The following CARM1 variants were observed in gnomAD, a reference collection of about 807,000 sequenced individuals.
CARM1 encodes coactivator associated arginine methyltransferase 1, also known as histone-arginine methyltransferase CARM1.
In CARM1, 14 loss-of-function variants were observed where a neutral mutation model predicts 72.7. The observed-to-expected ratio is 0.19, with a 90% confidence interval of 0.13 to 0.30. The LOEUF (loss-of-function observed/expected upper bound fraction) is 0.30, where lower values mean the gene tolerates loss of function less well. Among genes scored for constraint, CARM1 ranks in the 10% least tolerant of loss-of-function variants. The pLI is 1.00. For missense variants in CARM1, 432 were observed against 833.7 expected (o/e 0.52, Z 5.93); for synonymous variants, 333 against 345.5 (o/e 0.96, Z 0.40).
rs1160816356 is a variant in CARM1 at position 10,912,723 on chromosome 19, C to A, written c.669+429C>A. ...TGGAGGCTGCACCCTCCATTCCCTG[C>A]TCTGCCTCTCCCATGGATCTGGGGT... On this transcript the variant is annotated intron_variant, in intron 5 of 15. Transcript: ENST00000327064. The surrounding 1 kb of genome is among the most constrained non-coding windows in gnomAD (Gnocchi z 4.5). 6.6e-6 allele frequency among the ~76,000 whole-genome samples: 1 copy of A among 152,138 alleles called. No individual in the cohort carries two copies. Among genetic ancestry groups the A allele is most frequent in the Non-Finnish European group, 1.5e-5 (1 of 68,028 alleles).
In CARM1 at chr19:10,916,509, C is replaced by T. The variant is rs770472411; in HGVS notation, c.938+12C>T. Reference sequence around the variant, plus strand: ...AAGGCCAACTTCTGGTGAGTGTGCCCTGGGTGTCCCGCCTGGGCCCCACAG... The same window carrying T: ...AAGGCCAACTTCTGGTGAGTGTGCCTTGGGTGTCCCGCCTGGGCCCCACAG... On this transcript the variant is annotated intron_variant, in intron 7 of 15. Coordinates refer to ENST00000327064, the MANE Select transcript of CARM1 (RefSeq NM_199141.2). This position sits in a 1 kb window ranked among gnomAD's most constrained non-coding sequence, Gnocchi z 4.4. 2 of 1,601,644 alleles carry T rather than the reference C, an allele frequency of 1.2e-6. No homozygotes were observed. Among genetic ancestry groups the T allele is most frequent in the African/African-American group, 1.3e-5 (1 of 74,672 alleles).
Position 10,905,091 on chromosome 19 carries a change from T to G in CARM1, c.346+15T>G. The G allele has an allele frequency of 1.2e-6, 2 of 1,611,784 alleles. No homozygotes were observed. Among genetic ancestry groups the G allele is most frequent in the Non-Finnish European group, 1.7e-6 (2 of 1,179,220 alleles). On this transcript the variant is annotated intron_variant, in intron 2 of 15. Coordinates refer to ENST00000327064, the MANE Select transcript of CARM1 (RefSeq NM_199141.2). ...CACACCCAACGGTACGTGGCCCTCCTTCCATTCCGGTGACACCAGCCCAAA... is the reference window on the plus strand; with the variant it reads ...CACACCCAACGGTACGTGGCCCTCCGTCCATTCCGGTGACACCAGCCCAAA...
chr19:10,912,094 C>T lies in CARM1; in HGVS notation c.559-90C>T, dbSNP rs1183335955. 2 of 929,452 alleles carry T rather than the reference C, an allele frequency of 2.2e-6. No homozygotes were observed. The highest frequency in any genetic ancestry group is 3.6e-6 in the Non-Finnish European group (2 of 556,212). 57.6% of individuals were successfully genotyped at this position (929,452 alleles called of 1,614,324 possible). On this transcript the variant is annotated intron_variant, in intron 4 of 15. Coordinates refer to ENST00000327064, the MANE Select transcript of CARM1 (RefSeq NM_199141.2). This position sits in a 1 kb window ranked among gnomAD's most constrained non-coding sequence, Gnocchi z 4.5. ...AAACATTGAGAGTGAAGACAGACGC[C>T]TCATGATGTGCACATCCCTTATGAT...
intron 5 of CARM1, among the ~76,000 whole-genome samples, chr19:10,913,057 C>CCCT (rs890971383): frequency 1.3e-5 from 2 of 151,992 alleles, no homozygotes; most frequent in African/African-American, 4.8e-5. Context: ...GGTGGGGGAC[C>CCCT]TAGGAGGCCG....
chr19:10,892,733 ATAT>A (rs1375852118), intron 1 of CARM1, among the ~76,000 whole-genome samples: 3 of 151,998 alleles, frequency 2.0e-5, no homozygotes, highest in Non-Finnish European at 2.9e-5. Context: ...TATTTTATTT[ATAT>A]TATTTTATTT....
At chr19:10,907,081 A>G (rs911826836) in intron 2 of CARM1, among the ~76,000 whole-genome samples, 4 of 149,820 alleles carry the variant, frequency 2.7e-5, no homozygotes, top group Non-Finnish European at 3.0e-5. Flanking sequence ...TAATTTCTGT[A>G]TTTTTAATAG....
chr19:10,908,453 G>T, intron 3 of CARM1: 1 of 309,364 alleles, frequency 3.2e-6, no homozygotes, highest in Non-Finnish European at 6.2e-6. Flanking sequence ...CTCCCTGCAT[G>T]CCAGGCCCTG....
chr19:10,900,462 C>T (rs1024696644), intron 1 of CARM1, among the ~76,000 whole-genome samples: 5 of 152,116 alleles, frequency 3.3e-5, no homozygotes, highest in Admixed American at 2.6e-4. Context: ...TGGCTTCTTT[C>T]GGCATGATGT....
chr19:10,919,400 A>G, intron 8 of CARM1, 195 bp from the exon 9 acceptor site: 1 of 572,492 alleles, frequency 1.7e-6, no homozygotes, highest in East Asian at 2.9e-5. Context: ...AACACTTGTC[A>G]TTTGGAGAGC....
Position 10,916,432 on chromosome 19 carries a change from C to T in CARM1, c.873C>T (p.Asp291=), listed in dbSNP as rs375369228. ...PSGNMFPTIG[D]VHLAPFTDEQ... ...GAAACATGTTTCCTACCATTGGTGA[C>T]GTCCACCTTGCACCCTTCACGGATG... is the stretch of plus-strand genomic sequence containing the variant. Residue 291 remains aspartate (D), a synonymous_variant, in exon 7 of 16, where the codon GAC becomes GAT. Coordinates refer to ENST00000327064, the MANE Select transcript of CARM1 (RefSeq NM_199141.2). This position sits in a 1 kb window ranked among gnomAD's most constrained non-coding sequence, Gnocchi z 4.4. The T allele has an allele frequency of 4.3e-6, 7 of 1,613,546 alleles. No homozygotes were observed. The African/African-American group carries it at 5.3e-5, about 12-fold the overall frequency.
rs538235184 is a variant in CARM1 at position 10,891,789 on chromosome 19, CCTT to C, written c.221-13159_221-13157del. 2.8e-3 allele frequency among the ~76,000 whole-genome samples: 434 copies of C among 152,382 alleles called. 1 individual carries two copies. Among genetic ancestry groups the C allele is most frequent in the Non-Finnish European group, 3.9e-3 (263 of 68,036 alleles). On this transcript the variant is annotated intron_variant, in intron 1 of 15. Transcript: ENST00000327064. ...GGTGTAACATGAAAAGTCAGTCTCTCCTTCTCTCCGCACTGCCCGTGACCTGTG... is the reference window on the plus strand; with the variant it reads ...GGTGTAACATGAAAAGTCAGTCTCTCCTCTCCGCACTGCCCGTGACCTGTG...
At chr19:10,888,053 C>T (rs572169280) in intron 1 of CARM1, among the ~76,000 whole-genome samples, 1 of 152,346 alleles carries the variant, frequency 6.6e-6, no homozygotes, top group African/African-American at 2.4e-5. Context: ...CATGACACGC[C>T]TCATTCAGCC....
intron 1 of CARM1, among the ~76,000 whole-genome samples, chr19:10,881,498 A>G (rs1255867944): frequency 2.0e-5 from 3 of 152,116 alleles, no homozygotes; most frequent in African/African-American, 7.2e-5. Context: ...AAGGGCAGGA[A>G]GGAGAGGGCA....
rs1309153854 is a variant in CARM1 at position 10,912,067 on chromosome 19, G to A, written c.559-117G>A. ...CATTTTGACCAAGAGCCCATAAAGGGCAAACATTGAGAGTGAAGACAGACG... is the reference window on the plus strand; with the variant it reads ...CATTTTGACCAAGAGCCCATAAAGGACAAACATTGAGAGTGAAGACAGACG... On this transcript the variant is annotated intron_variant, in intron 4 of 15. Transcript: ENST00000327064. The surrounding 1 kb of genome is among the most constrained non-coding windows in gnomAD (Gnocchi z 4.5). 2 of 798,922 alleles carry A rather than the reference G, an allele frequency of 2.5e-6. No individual in the cohort carries two copies. Among genetic ancestry groups the A allele is most frequent in the South Asian group, 2.8e-5 (2 of 71,138 alleles). The allele number at this position is 798,922 out of a possible 1,614,324, so 49.5% of individuals were successfully genotyped here.
chr19:10,910,639 C>G (rs1210616370), intron 4 of CARM1, among the ~76,000 whole-genome samples: 1 of 150,216 alleles, frequency 6.7e-6, no homozygotes, highest in Non-Finnish European at 1.5e-5. Context: ...AATCTCGGCT[C>G]ACTGCAACCT....
At chr19:10,884,109 G>A (rs1358522376) in intron 1 of CARM1, among the ~76,000 whole-genome samples, 6 of 149,894 alleles carry the variant, frequency 4.0e-5, no homozygotes, top group Admixed American at 3.4e-4. Context: ...TTGGGAGGCC[G>A]AGGTGGGCGG....
At chr19:10,907,524 C>T (rs1053600818) in intron 2 of CARM1, among the ~76,000 whole-genome samples, 2 of 151,654 alleles carry the variant, frequency 1.3e-5, no homozygotes, top group East Asian at 3.9e-4. Flanking sequence ...CTGCCCACCT[C>T]AGCCTCCCAC....
At chr19:10,877,384 C>T (rs745464503) in intron 1 of CARM1, among the ~76,000 whole-genome samples, 1 of 152,100 alleles carries the variant, frequency 6.6e-6, no homozygotes, top group African/African-American at 2.4e-5. Context: ...ATAAATTAGG[C>T]CTATGGGCCA....
rs753354844 is a variant in CARM1, at chr19:10,921,061, G to A, written c.1549G>A (p.Ala517Thr). 1.1e-5 allele frequency: 17 copies of A among 1,614,144 alleles called. No homozygotes were observed. Among genetic ancestry groups the A allele is most frequent in the South Asian group, 6.6e-5 (6 of 91,086 alleles). Residue 517 changes from alanine to threonine, a missense_variant, in exon 14 of 16, where the codon GCC (alanine) becomes ACC (threonine). Physicochemically the swap from Ala to Thr is moderately conservative, Grantham distance 58. This residue lies in a region of CARM1 where 142 missense variants were observed against 188.7 expected (regional missense o/e 0.75). Coordinates refer to ENST00000327064, the MANE Select transcript of CARM1 (RefSeq NM_199141.2). ...CTCTCTGGACACAGGGATGCCGACCGCCTATGACTTGAGCAGTGTTATTGC... is the reference window on the plus strand; with the variant it reads ...CTCTCTGGACACAGGGATGCCGACCACCTATGACTTGAGCAGTGTTATTGC... Reference protein sequence around the residue: ...SGMAVAGMPTAYDLSSVIASG... With the variant: ...SGMAVAGMPTTYDLSSVIASG...
Sources: allele counts gnomAD v4.1 joint callset (sites outside exome capture counted in the v4.1 genomes callset), GRCh38; gene constraint gnomAD v4.1.1; regional missense constraint gnomAD v4.1.1; non-coding constraint Gnocchi (gnomAD v3.1); transcripts MANE v1.5; gene names NCBI Gene and HGNC (gene_info 2026-07-23, HGNC 2026-07-21).